The following HPSE2 variants were observed in gnomAD, a reference collection of about 807,000 sequenced individuals.
The protein encoded by HPSE2 is heparanase 2 (inactive).
HPSE2 carries 38 observed loss-of-function variants against 60.5 expected under a neutral mutation model. The observed-to-expected ratio is 0.63, with a 90% CI of 0.48 to 0.82. HPSE2 has a LOEUF of 0.82. Ranked by LOEUF, HPSE2 falls within the 40% of genes least tolerant of loss-of-function variation. The pLI is 0.00. For synonymous variants in HPSE2, 295 were observed against 293.2 expected (o/e 1.01, Z -0.06); for missense variants, 713 against 740.4 (o/e 0.96, Z 0.43).
intron 3 of HPSE2, among the ~76,000 whole-genome samples, chr10:98,748,711 C>T (rs1949684482): frequency 6.6e-6 from 1 of 151,966 alleles, no homozygotes; most frequent in Non-Finnish European, 1.5e-5. Context: ...AAGAGAAAAC[C>T]TTAAGAAATG....
At chr10:98,608,591 C>T (rs1412256936) in intron 9 of HPSE2, among the ~76,000 whole-genome samples, 1 of 152,184 alleles carries the variant, frequency 6.6e-6, no homozygotes, top group Non-Finnish European at 1.5e-5. Context: ...GTTCCCTGGG[C>T]ATGCAGCCCA....
At chr10:98,520,722 C>T (rs998235135) in intron 9 of HPSE2, among the ~76,000 whole-genome samples, 1 of 152,080 alleles carries the variant, frequency 6.6e-6, no homozygotes, top group Non-Finnish European at 1.5e-5. Context: ...TACCTTAAAG[C>T]CAAGGCATAA....
intron 3 of HPSE2, among the ~76,000 whole-genome samples, chr10:98,960,751 T>TA (rs1489519747): frequency 8.2e-6 from 1 of 121,924 alleles, no homozygotes; most frequent in African/African-American, 2.9e-5. Flanking sequence ...TTTTTTTTTT[T>TA]ATTATACTCT....
chr10:99,022,555 C>T (rs1424911407), intron 3 of HPSE2, among the ~76,000 whole-genome samples: 1 of 152,136 alleles, frequency 6.6e-6, no homozygotes, highest in Non-Finnish European at 1.5e-5. Flanking sequence ...TCCCCTAACC[C>T]CAGGCTGCAC....
At chr10:99,132,861 A>G (rs528828205) in intron 3 of HPSE2, among the ~76,000 whole-genome samples, 3 of 152,200 alleles carry the variant, frequency 2.0e-5, no homozygotes, top group Admixed American at 6.5e-5. Flanking sequence ...CCATACCCCA[A>G]TGGTGCCTGA....
At chr10:98,497,215 C>CT (rs1941873407) in intron 9 of HPSE2, among the ~76,000 whole-genome samples, 1 of 152,074 alleles carries the variant, frequency 6.6e-6, no homozygotes, top group African/African-American at 2.4e-5. Context: ...GAAATTGTGA[C>CT]TTTAAGTGAA....
In HPSE2 at chr10:98,865,102, T is replaced by C. The variant is rs530362490; in HGVS notation, c.611-121046A>G. On this transcript the variant is annotated intron_variant, in intron 3 of 11. Coordinates refer to ENST00000370552, the MANE Select transcript of HPSE2 (RefSeq NM_021828.5). ...AAAGATTCTTAAGAGATGATCTCAA[T>C]TGAAACCCAATAATCATACTCCTAG... is the stretch of plus-strand genomic sequence containing the variant. Among the ~76,000 whole-genome samples the C allele has an allele frequency of 4.6e-5, 7 of 152,216 alleles. No individual in the cohort carries two copies. The East Asian group carries it at 5.8e-4, about 13-fold the overall frequency.
chr10:99,078,203 T>C (rs1184734568), intron 3 of HPSE2, among the ~76,000 whole-genome samples: 1 of 152,174 alleles, frequency 6.6e-6, no homozygotes, highest in Non-Finnish European at 1.5e-5. Flanking sequence ...AGCTATTCCT[T>C]TATGGTAACA....
At chr10:98,902,373 T>C (rs1953690688) in intron 3 of HPSE2, among the ~76,000 whole-genome samples, 1 of 152,190 alleles carries the variant, frequency 6.6e-6, no homozygotes, top group Non-Finnish European at 1.5e-5. Context: ...TCCTACTTCA[T>C]TTAAATCTAT....
chr10:98,531,079 A>G (rs767526753), intron 9 of HPSE2, among the ~76,000 whole-genome samples: 1 of 152,212 alleles, frequency 6.6e-6, no homozygotes, highest in Non-Finnish European at 1.5e-5. Flanking sequence ...ACAAATGTGG[A>G]AAACCCAGTC....
chr10:99,185,817 C>T (rs1190742669), intron 2 of HPSE2, among the ~76,000 whole-genome samples: 1 of 150,986 alleles, frequency 6.6e-6, no homozygotes, highest in Non-Finnish European at 1.5e-5. Context: ...AGAGGTGGGG[C>T]AGGGAGGAAT....
intron 9 of HPSE2, among the ~76,000 whole-genome samples, chr10:98,522,502 A>G (rs1942829928): frequency 6.6e-6 from 1 of 152,044 alleles, no homozygotes; most frequent in Non-Finnish European, 1.5e-5. Flanking sequence ...TTGAGATGGA[A>G]TCTTGCTCTG....
chr10:98,556,123 A>C (rs1162684061), intron 9 of HPSE2, among the ~76,000 whole-genome samples: 10 of 152,186 alleles, frequency 6.6e-5, no homozygotes. Context: ...GCCAAAAAAG[A>C]CTGACAGTGA....
intron 3 of HPSE2, among the ~76,000 whole-genome samples, chr10:98,801,393 C>T (rs374093711): frequency 2.0e-5 from 3 of 152,044 alleles, no homozygotes; most frequent in East Asian, 3.9e-4. Context: ...AAAGGGCATC[C>T]AAATTGGAAA....
intron 3 of HPSE2, among the ~76,000 whole-genome samples, chr10:99,110,537 T>C (rs950867699): frequency 3.3e-5 from 5 of 152,070 alleles, no homozygotes; most frequent in Middle Eastern, 3.2e-3. Flanking sequence ...ACAAAAGAAG[T>C]TGAAAAGTAG....
At chr10:98,805,293 C>T (rs1011560728) in intron 3 of HPSE2, among the ~76,000 whole-genome samples, 6 of 152,004 alleles carry the variant, frequency 3.9e-5, no homozygotes, top group African/African-American at 1.5e-4. Flanking sequence ...AAATTGTAAC[C>T]TTTGGCATAA....
At chr10:99,186,159 A>G (rs1398698350) in intron 2 of HPSE2, among the ~76,000 whole-genome samples, 1 of 72,554 alleles carries the variant, frequency 1.4e-5, no homozygotes, top group Non-Finnish European at 3.8e-5. Flanking sequence ...CACACAAGGC[A>G]TATCATAATT....
chr10:98,699,304 G>A (rs1948332546), intron 5 of HPSE2, among the ~76,000 whole-genome samples: 1 of 151,136 alleles, frequency 6.6e-6, no homozygotes, highest in African/African-American at 2.4e-5. Flanking sequence ...TAATCAAGTG[G>A]GCTTCATCCC....
chr10:99,171,847 T>C (rs995717574), intron 2 of HPSE2, among the ~76,000 whole-genome samples: 2 of 152,162 alleles, frequency 1.3e-5, no homozygotes, highest in East Asian at 1.9e-4. Context: ...TCTTTGAGAA[T>C]TGACTTTCCC....
Sources: gnomAD v4.1 joint callset for allele counts (sites outside exome capture counted in the v4.1 genomes callset) on GRCh38, gnomAD v4.1.1 for gene constraint, MANE v1.5 for transcripts, NCBI Gene and HGNC (gene_info 2026-07-23, HGNC 2026-07-21) for gene names.